The following RPA3 variants were observed in gnomAD, a reference collection of about 807,000 sequenced individuals.
The protein encoded by RPA3 is replication protein A 14 kDa subunit.
In RPA3, 24 loss-of-function variants were observed where a neutral mutation model predicts 13.7. The observed-to-expected ratio is 1.75, with a 90% CI of 1.27 to 2.46. RPA3 has a LOEUF of 2.46. Among genes scored for constraint, RPA3 ranks in the 30% most tolerant of loss-of-function variants. The pLI is 0.00. For missense variants in RPA3, 183 were observed against 151.0 expected (o/e 1.21, Z -1.11); for synonymous variants, 59 against 51.2 (o/e 1.15, Z -0.65).
intron 2 of RPA3, among the ~76,000 whole-genome samples, chr7:7,699,328 T>G (rs1011279936): frequency 1.3e-5 from 2 of 152,240 alleles, no homozygotes; most frequent in African/African-American, 4.8e-5. Flanking sequence ...TTTAAATATA[T>G]TTATGCTTTA....
intron 4 of RPA3, among the ~76,000 whole-genome samples, chr7:7,671,249 C>T (rs957736846): frequency 2.0e-5 from 3 of 152,176 alleles, no homozygotes; most frequent in African/African-American, 7.2e-5. Flanking sequence ...AGATGTAATT[C>T]TTAGATTTCC....
intron 4 of RPA3, among the ~76,000 whole-genome samples, chr7:7,674,423 TA>T (rs1779687694): frequency 6.6e-6 from 1 of 152,234 alleles, no homozygotes; most frequent in African/African-American, 2.4e-5. Flanking sequence ...TTCTCGTGGA[TA>T]AACTTTACTA....
At chr7:7,639,667 C>A (rs998315365) in intron 5 of RPA3, among the ~76,000 whole-genome samples, 6 of 152,202 alleles carry the variant, frequency 3.9e-5, no homozygotes, top group Non-Finnish European at 7.3e-5. Context: ...CACTCCTACT[C>A]AGTTTCCCTA....
intron 2 of RPA3, among the ~76,000 whole-genome samples, chr7:7,701,100 C>T (rs748076708): frequency 3.9e-5 from 6 of 152,096 alleles, no homozygotes; most frequent in Non-Finnish European, 8.8e-5. Context: ...GGATCTCTAT[C>T]GCCATTTGGT....
intron 4 of RPA3, chr7:7,641,778 C>G (rs1009467372): frequency 5.3e-5 from 8 of 152,108 alleles, no homozygotes; most frequent in African/African-American, 1.9e-4. Flanking sequence ...TGAATTGGCC[C>G]AAAGCTACAG....
intron 2 of RPA3, among the ~76,000 whole-genome samples, chr7:7,711,075 A>AGGATAACACTGG (rs1393974917): frequency 6.6e-6 from 1 of 152,186 alleles, no homozygotes; most frequent in Non-Finnish European, 1.5e-5. Flanking sequence ...TGGCTATAGA[A>AGGATAACACTGG]GGATAACACT....
chr7:7,681,314 T>C (rs546778255), intron 4 of RPA3, among the ~76,000 whole-genome samples: 6 of 152,308 alleles, frequency 3.9e-5, no homozygotes, highest in African/African-American at 1.4e-4. Flanking sequence ...AATTATTAGA[T>C]GGCATTGCAG....
intron 4 of RPA3, among the ~76,000 whole-genome samples, chr7:7,649,381 C>G (rs936707613): frequency 2.6e-5 from 4 of 152,066 alleles, no homozygotes; most frequent in Non-Finnish European, 5.9e-5. Flanking sequence ...TTAACCCACT[C>G]TAGCAATAAT....
intron 4 of RPA3, among the ~76,000 whole-genome samples, chr7:7,663,885 C>T (rs1033708810): frequency 1.3e-5 from 2 of 152,124 alleles, no homozygotes; most frequent in South Asian, 2.1e-4. Context: ...CTAGTCAAAA[C>T]AAGCAAAGGT....
chr7:7,668,970 C>G (rs1487385368), intron 4 of RPA3, among the ~76,000 whole-genome samples: 2 of 152,040 alleles, frequency 1.3e-5, no homozygotes, highest in East Asian at 3.9e-4. Context: ...ACCTAATGGA[C>G]ATAGCTTTGG....
intron 2 of RPA3, among the ~76,000 whole-genome samples, chr7:7,695,723 A>T (rs897658909): frequency 6.6e-6 from 1 of 152,214 alleles, no homozygotes; most frequent in East Asian, 1.9e-4. Context: ...CTTGTGTCCT[A>T]TGTAGACCTA....
chr7:7,706,030 C>T (rs1442534973), intron 2 of RPA3, among the ~76,000 whole-genome samples: 2 of 152,062 alleles, frequency 1.3e-5, no homozygotes, highest in East Asian at 3.8e-4. Context: ...GCTATTTTTA[C>T]ATGGAAAAAT....
rs28912724 is a variant in RPA3, at chr7:7,688,286, G to T, written c.-1027-958C>A. 7.8e-4 allele frequency among the ~76,000 whole-genome samples: 119 copies of T among 152,276 alleles called. 1 individual carries two copies. The highest frequency in any genetic ancestry group is 2.7e-3 in the African/African-American group (113 of 41,562). ...AGGATATTTTTATCTTAATGGTAAA[G>T]GTGGGAGAGTTGTTGTCAGGTGGGG... On this transcript the variant is annotated intron_variant, in intron 2 of 7. Coordinates refer to ENST00000223129, the MANE Select transcript of RPA3 (RefSeq NM_002947.5).
At chr7:7,680,661 CA>C (rs1295075802) in intron 4 of RPA3, among the ~76,000 whole-genome samples, 1 of 151,324 alleles carries the variant, frequency 6.6e-6, no homozygotes, top group African/African-American at 2.4e-5. Flanking sequence ...CTGATTCTTC[CA>C]ATCCATAAAT....
chr7:7,717,907 T>C (rs1258090683), intron 1 of RPA3, among the ~76,000 whole-genome samples: 1 of 152,228 alleles, frequency 6.6e-6, no homozygotes, highest in Non-Finnish European at 1.5e-5. Context: ...TTACCAAACT[T>C]TTCTATTAAT....
intron 4 of RPA3, among the ~76,000 whole-genome samples, chr7:7,659,227 T>G (rs1460845011): frequency 6.6e-6 from 1 of 152,080 alleles, no homozygotes; most frequent in Non-Finnish European, 1.5e-5. Flanking sequence ...AGCAGTCTTT[T>G]TATTTTGTTG....
At chr7:7,656,570 G>A (rs958734307) in intron 4 of RPA3, among the ~76,000 whole-genome samples, 4 of 151,196 alleles carry the variant, frequency 2.6e-5, no homozygotes, top group African/African-American at 4.8e-5. Flanking sequence ...TGTGGTGTTT[G>A]GTTTTCTGTT....
chr7:7,700,625 C>T (rs965243856), intron 2 of RPA3, among the ~76,000 whole-genome samples: 7 of 152,238 alleles, frequency 4.6e-5, no homozygotes, highest in African/African-American at 1.4e-4. Context: ...CGGTGGCTCA[C>T]GCCTGTAATC....
At chr7:7,712,987 C>T (rs1780805252) in intron 2 of RPA3, among the ~76,000 whole-genome samples, 1 of 152,030 alleles carries the variant, frequency 6.6e-6, no homozygotes, top group African/African-American at 2.4e-5. Context: ...TTGATAATTG[C>T]AGACTAGCCT....
Sources: allele counts gnomAD v4.1 joint callset (sites outside exome capture counted in the v4.1 genomes callset), GRCh38; gene constraint gnomAD v4.1.1; transcripts MANE v1.5; gene names NCBI Gene and HGNC (gene_info 2026-07-23, HGNC 2026-07-21).